Variants in TMEM217B observed in about 807,000 individuals in gnomAD.
The protein encoded by TMEM217B is transmembrane protein 217B.
the TMEM217B span, chr6:37,257,652 C>G: frequency 2.0e-6 from 1 of 494,728 alleles, no homozygotes; most frequent in Non-Finnish European, 3.6e-6. Flanking sequence ...ACCTGTGTGC[C>G]CAGCCCCTGA....
At chr6:37,217,918 A>G in the TMEM217B span, 1 of 986,072 alleles carries the variant, frequency 1.0e-6, no homozygotes, top group Non-Finnish European at 1.2e-6. Context: ...AGTTCACAGA[A>G]GTTTTGATAA....
the TMEM217B span, among the ~76,000 whole-genome samples, chr6:37,255,289 T>C: frequency 3.9e-5 from 6 of 152,114 alleles, no homozygotes; most frequent in South Asian, 8.3e-4. Flanking sequence ...AGCCAAGTCA[T>C]GTAGGGTCTT....
At chr6:37,252,631 A>ATTTTTTTT in the TMEM217B span, among the ~76,000 whole-genome samples, 2 of 77,328 alleles carry the variant, frequency 2.6e-5, no homozygotes, top group African/African-American at 1.2e-4. Context: ...ATATATATAT[A>ATTTTTTTT]TATATATTTT....
At chr6:37,212,884 T>G in the TMEM217B span, 5 of 1,515,340 alleles carry the variant, frequency 3.3e-6, no homozygotes, top group Non-Finnish European at 4.5e-6. Flanking sequence ...AATGTGTGTC[T>G]TCTGGTTCAG....
chr6:37,224,854 T>C, the TMEM217B span, among the ~76,000 whole-genome samples: 7 of 152,072 alleles, frequency 4.6e-5, no homozygotes, highest in African/African-American at 1.7e-4. Context: ...TTTTTGGCCA[T>C]ACATATATAT....
the TMEM217B span, among the ~76,000 whole-genome samples, chr6:37,251,526 G>A: frequency 7.5e-4 from 115 of 152,328 alleles, 1 homozygote; most frequent in East Asian, 0.016. Flanking sequence ...AGAGCTCAAT[G>A]TATTAACAGA....
At chr6:37,245,706 GGAGGAGGAAGAGCAGGAGGAGGAC>G in the TMEM217B span, among the ~76,000 whole-genome samples, 4 of 152,240 alleles carry the variant, frequency 2.6e-5, no homozygotes, top group East Asian at 7.7e-4. Context: ...AGGAGGAGGA[GGAGGAGGAAGAGCAGGAGGAGGAC>G]GAGGAGGAGG....
At chr6:37,215,038 G>C in the TMEM217B span, among the ~76,000 whole-genome samples, 1 of 152,176 alleles carries the variant, frequency 6.6e-6, no homozygotes, top group Non-Finnish European at 1.5e-5. Flanking sequence ...TGAGTTTCAA[G>C]GAAATGTCTG....
chr6:37,251,428 G>A, the TMEM217B span, among the ~76,000 whole-genome samples: 4,852 of 143,448 alleles, frequency 0.034, 246 homozygotes, highest in African/African-American at 0.12. Context: ...TGTTGAATGA[G>A]CAATGCTCAA....
the TMEM217B span, among the ~76,000 whole-genome samples, chr6:37,229,985 G>A: frequency 3.9e-5 from 6 of 152,162 alleles, no homozygotes; most frequent in Non-Finnish European, 8.8e-5. Flanking sequence ...TCCCCTTCTA[G>A]CCTCCTTCAG....
At chr6:37,242,573 C>A in the TMEM217B span, among the ~76,000 whole-genome samples, 1 of 152,144 alleles carries the variant, frequency 6.6e-6, no homozygotes, top group Non-Finnish European at 1.5e-5. Flanking sequence ...GAAACCAGCC[C>A]CAGCTTGGAA....
the TMEM217B span, among the ~76,000 whole-genome samples, chr6:37,253,698 C>T: frequency 6.6e-6 from 1 of 152,162 alleles, no homozygotes. Context: ...CACTCCACTC[C>T]TTCACTAAGG....
At chr6:37,252,533 T>C in the TMEM217B span, among the ~76,000 whole-genome samples, 4 of 151,628 alleles carry the variant, frequency 2.6e-5, no homozygotes, top group East Asian at 7.7e-4. Context: ...CATATATATG[T>C]CAACATGTAT....
At chr6:37,215,597 A>AAAAAAAAG in the TMEM217B span, among the ~76,000 whole-genome samples, 1 of 146,878 alleles carries the variant, frequency 6.8e-6, no homozygotes, top group African/African-American at 2.5e-5. Flanking sequence ...AAAAAAAAAA[A>AAAAAAAAG]AAAAGAAAAG....
the TMEM217B span, among the ~76,000 whole-genome samples, chr6:37,234,423 C>T: frequency 6.6e-6 from 1 of 152,148 alleles, no homozygotes. Context: ...TTTGACTTAA[C>T]AATATTTTCA....
the TMEM217B span, among the ~76,000 whole-genome samples, chr6:37,227,881 A>C: frequency 6.6e-6 from 1 of 151,938 alleles, no homozygotes; most frequent in Non-Finnish European, 1.5e-5. Context: ...ATATCTTGAG[A>C]TATATATATA....
the TMEM217B span, among the ~76,000 whole-genome samples, chr6:37,253,595 G>T: frequency 6.6e-6 from 1 of 152,114 alleles, no homozygotes; most frequent in Non-Finnish European, 1.5e-5. Flanking sequence ...CTATCTCTTA[G>T]GTGGCCCAAC....
the TMEM217B span, among the ~76,000 whole-genome samples, chr6:37,236,434 G>A: frequency 6.6e-6 from 1 of 152,092 alleles, no homozygotes; most frequent in Admixed American, 6.6e-5. Context: ...TGCCCTCCCA[G>A]GTTCAATCCT....
At chr6:37,252,613 GTGTGTATATATA>G in the TMEM217B span, among the ~76,000 whole-genome samples, 14 of 90,000 alleles carry the variant, frequency 1.6e-4, no homozygotes, top group Admixed American at 2.7e-4. Context: ...GTGTGTATGT[GTGTGTATATATA>G]TATATATATA....
Sources: allele counts gnomAD v4.1 joint callset (sites outside exome capture counted in the v4.1 genomes callset), GRCh38; gene constraint gnomAD v4.1.1; transcripts MANE v1.5; gene names NCBI Gene and HGNC (gene_info 2026-07-23, HGNC 2026-07-21).